Variants in PIP5KL1 observed in about 807,000 individuals in gnomAD.
The protein encoded by PIP5KL1 is phosphatidylinositol-4-phosphate 5-kinase like 1, also known as phosphatidylinositol 4-phosphate 5-kinase-like protein 1.
A neutral mutation model predicts 47.6 loss-of-function variants in PIP5KL1; 45 were observed. That is an observed-to-expected ratio of 0.94 (90% CI 0.74 to 1.21). The LOEUF (loss-of-function observed/expected upper bound fraction) is 1.21, where lower values mean the gene tolerates loss of function less well. PIP5KL1 is among the 50% of genes most tolerant of loss of function. PIP5KL1 has a pLI of 0.00. For missense variants in PIP5KL1, 577 were observed against 547.6 expected, an observed-to-expected ratio of 1.05 and a Z score of -0.54; for synonymous variants, 256 against 234.6, an observed-to-expected ratio of 1.09 and a Z score of -0.84.
intron 1 of PIP5KL1, 101 bp downstream of exon 1, chr9:127,930,622 C>T: frequency 2.2e-6 from 3 of 1,366,244 alleles, no homozygotes; most frequent in Non-Finnish European, 2.9e-6. Flanking sequence ...GGGCCCCTCC[C>T]AGGCTTGGAT....
At chr9:127,930,154 T>C (rs1245619305) in intron 1 of PIP5KL1, among the ~76,000 whole-genome samples, 3 of 152,194 alleles carry the variant, frequency 2.0e-5, no homozygotes, top group African/African-American at 7.2e-5. Flanking sequence ...GGACCGTCTC[T>C]CACCAACCTT....
At chr9:127,930,372 G>A (rs1831419026) in intron 1 of PIP5KL1, among the ~76,000 whole-genome samples, 1 of 152,204 alleles carries the variant, frequency 6.6e-6, no homozygotes, top group Non-Finnish European at 1.5e-5. Context: ...CTCCAGGCCA[G>A]CACGGAGGGG....
rs1009473859 is a variant in PIP5KL1, at chr9:127,921,635, G to T, written c.*212C>A. On this transcript the variant is annotated 3_prime_UTR_variant, in exon 10 of 10. Coordinates refer to ENST00000388747, the MANE Select transcript of PIP5KL1 (RefSeq NM_001135219.2). ...AAAAGAGAATAATAGCATTTTTTGA[G>T]GATTAAATGAGCTAAAGTAGGGGAG... 27 of 641,252 alleles carry T rather than the reference G, an allele frequency of 4.2e-5. No individual in the cohort carries two copies. In the African/African-American group the frequency reaches 4.9e-4, roughly 12 times the overall value. The allele number at this position is 641,252 out of a possible 1,614,324, so 39.7% of individuals were successfully genotyped here.
At position 127,927,349 on chromosome 9, in the gene PIP5KL1, G is replaced by A. The variant is rs1294319590; in HGVS notation, c.560-18C>T. The A allele has an allele frequency of 1.2e-6, 2 of 1,601,042 alleles. No individual in the cohort carries two copies. The highest frequency in any genetic ancestry group is 1.1e-5 in the South Asian group (1 of 89,498). ...GTGCACTCCTGGAAGGGGAGAGGGCGCCGGATGAGGATCCCCAAACTCCAC... is the reference window on the plus strand; with the variant it reads ...GTGCACTCCTGGAAGGGGAGAGGGCACCGGATGAGGATCCCCAAACTCCAC... On this transcript the variant is annotated intron_variant, in intron 5 of 9. Transcript: ENST00000388747. This position sits in a 1 kb window ranked among gnomAD's most constrained non-coding sequence, Gnocchi z 5.5.
intron 9 of PIP5KL1, among the ~76,000 whole-genome samples, chr9:127,922,685 ACT>A (rs1831301172): frequency 9.8e-6 from 1 of 102,122 alleles, no homozygotes. Context: ...ACAGAGCGAG[ACT>A]CTGTCTCAAA....
chr9:127,929,965 A>G lies in PIP5KL1; in HGVS notation c.31-80T>C. On this transcript the variant is annotated intron_variant, in intron 1 of 9. Coordinates refer to ENST00000388747, the MANE Select transcript of PIP5KL1 (RefSeq NM_001135219.2). This position sits in a 1 kb window ranked among gnomAD's most constrained non-coding sequence, Gnocchi z 4.0. ...TCAGGGTTCAAGTCCCACTTCCACT[A>G]CTTGTGAGACTTCCCCTCATCTCTC... The G allele has an allele frequency of 1.7e-6, 2 of 1,196,234 alleles. No individual in the cohort carries two copies. The highest frequency in any genetic ancestry group is 2.3e-6 in the Non-Finnish European group (2 of 881,552). The allele number at this position is 1,196,234 out of a possible 1,614,324, so 74.1% of individuals were successfully genotyped here.
In PIP5KL1 at chr9:127,921,730, A is replaced by G; in HGVS notation, c.*117T>C. The G allele has an allele frequency of 7.3e-7, 1 of 1,364,792 alleles. No homozygotes were observed. The highest frequency in any genetic ancestry group is 1.5e-5 in the African/African-American group (1 of 68,668). The allele number at this position is 1,364,792 out of a possible 1,614,324, so 84.5% of individuals were successfully genotyped here. A position where few individuals can be genotyped will look rare whatever the true frequency, so the allele number is the denominator to read the frequency against. The stretch of plus-strand genomic sequence containing the variant: ...GCGCGGTTACGGTATTAGTTAGGGG[A>G]TGCTGCCCTCTGGCGACCATCAGGA... On this transcript the variant is annotated 3_prime_UTR_variant, in exon 10 of 10. Transcript: ENST00000388747.
rs369774242 is a variant in PIP5KL1, at chr9:127,928,171, G to T, written c.328C>A (p.Arg110Ser). Reference sequence around the variant, plus strand: ...TCCTCCTCCGCCAGGCCCAGGGAGCGGCGCAGCCAGGCAAAGGCGGGGCCG... The same window carrying T: ...TCCTCCTCCGCCAGGCCCAGGGAGCTGCGCAGCCAGGCAAAGGCGGGGCCG... The part of the protein sequence containing the change: ...LAGPAFAWLR[R>S]SLGLAEEDYQ... Residue 110 changes from arginine (R) to serine (S), a missense_variant, in exon 4 of 10, where the codon CGC becomes AGC. By Grantham distance (110) the Arg-to-Ser change is moderately radical (BLOSUM62 -1). Transcript: ENST00000388747. The T allele has an allele frequency of 2.0e-6, 3 of 1,537,826 alleles. No individual in the cohort carries two copies.
chr9:127,925,180 G>T lies in PIP5KL1; in HGVS notation c.844C>A (p.Leu282Ile). 6.2e-7 allele frequency: 1 copy of T among 1,614,160 alleles called. No individual in the cohort carries two copies. Among genetic ancestry groups the T allele is most frequent in the Middle Eastern group, 1.6e-4 (1 of 6,062 alleles). ...TGGAGACGTTGGAAGGCTATCAGGA[G>T]GCTGTAATCCAGCACGTTGAGCTCC... ...LRELNVLDYS[L>I]LIAFQRLHED... The change falls in exon 9 of 10, where the codon CTC becomes ATC. Residue 282 changes from leucine (L) to isoleucine (I), a missense_variant. By Grantham distance (5) the Leu-to-Ile change is conservative (BLOSUM62 2). Transcript: ENST00000388747.
chr9:127,922,121 GC>G lies in PIP5KL1; in HGVS notation c.918-8del. On this transcript the variant is annotated splice_polypyrimidine_tract_variant and splice_region_variant and intron_variant, in intron 9 of 9. Transcript: ENST00000388747. ...CTGTGCCCCTTGCACAGACCTGGGG[GC>G]CGACAGGAGGGTGAAGCTGCCAGCT... is the stretch of plus-strand genomic sequence containing the variant. 1 of 1,484,610 alleles carries G rather than the reference GC, an allele frequency of 6.7e-7. No individual in the cohort carries two copies. The highest frequency in any genetic ancestry group is 1.3e-5 in the South Asian group (1 of 77,254). The allele number at this position is 1,484,610 out of a possible 1,614,324, so 92.0% of individuals were successfully genotyped here.
rs751074973 is a variant in PIP5KL1 at position 127,925,845 on chromosome 9, AGTGGCCACCCCC to A, written c.763+10_763+21del. On this transcript the variant is annotated intron_variant, in intron 8 of 9. Coordinates refer to ENST00000388747, the MANE Select transcript of PIP5KL1 (RefSeq NM_001135219.2). ...CACCCTGAATGAAGGAGGAACAGGC[AGTGGCCACCCCC>A]GTGGCTCACCCAGGTTGATGGTCTT... 6.3e-7 allele frequency: 1 copy of A among 1,577,950 alleles called. No homozygotes were observed. The highest frequency in any genetic ancestry group is 1.3e-5 in the African/African-American group (1 of 74,244).
At chr9:127,926,581 T>C (rs916348125) in intron 7 of PIP5KL1, among the ~76,000 whole-genome samples, 6 of 152,204 alleles carry the variant, frequency 3.9e-5, no homozygotes, top group African/African-American at 1.4e-4. Context: ...CGGCCTATTA[T>C]TGTTTCTGAG....
intron 2 of PIP5KL1, 42 bp from the exon 3 acceptor site, chr9:127,928,525 C>T (rs1419599404): frequency 6.6e-7 from 1 of 1,511,184 alleles, no homozygotes; most frequent in African/African-American, 1.4e-5. Flanking sequence ...CCCTCAGTCC[C>T]CTGCTGCCTG....
At position 127,927,032 on chromosome 9, in the gene PIP5KL1, AT is replaced by A; in HGVS notation, c.650+120del. ...GGCGTCACTGTCTCTGACCCACCAG[AT>A]CTTGGGAACGCCCCTTCTCCTTCCT... On this transcript the variant is annotated intron_variant, in intron 7 of 9. Transcript: ENST00000388747. This position sits in a 1 kb window ranked among gnomAD's most constrained non-coding sequence, Gnocchi z 5.5. The A allele has an allele frequency of 8.3e-7, 1 of 1,200,950 alleles. No homozygotes were observed. The highest frequency in any genetic ancestry group is 1.2e-6 in the Non-Finnish European group (1 of 868,094). The allele number at this position is 1,200,950 out of a possible 1,614,324, so 74.4% of individuals were successfully genotyped here.
At chr9:127,930,400 A>T (rs1263360239) in intron 1 of PIP5KL1, among the ~76,000 whole-genome samples, 1 of 152,194 alleles carries the variant, frequency 6.6e-6, no homozygotes, top group Non-Finnish European at 1.5e-5. Context: ...GATGCTTTTC[A>T]TAGCCGCTGA....
In PIP5KL1 at chr9:127,925,867, C is replaced by T. The variant is rs775119032; in HGVS notation, c.763G>A (p.Gly255Arg). The change falls in exon 8 of 10, where the codon GGG (glycine) becomes AGG (arginine). Residue 255 changes from glycine (G) to arginine (R), a missense_variant and splice_region_variant. Physicochemically the swap from Gly to Arg is moderately radical, Grantham distance 125 (BLOSUM62 -2). Transcript: ENST00000388747. The stretch of plus-strand genomic sequence containing the variant: ...GGCAGTGGCCACCCCCGTGGCTCAC[C>T]CAGGTTGATGGTCTTGCCCTGAAAG... ...LNFQGKTINL[G>R]PQRSWFLRQM... 1 of 1,613,602 alleles carries T rather than the reference C, an allele frequency of 6.2e-7. No homozygotes were observed. Among genetic ancestry groups the T allele is most frequent in the South Asian group, 1.1e-5 (1 of 91,078 alleles).
intron 8 of PIP5KL1, chr9:127,925,512 C>A (rs1342922556): frequency 1.2e-5 from 6 of 504,290 alleles, no homozygotes; most frequent in Non-Finnish European, 2.1e-5. Flanking sequence ...GTCGCACAGG[C>A]TGGAGTGCAG....
chr9:127,923,651 C>G (rs1283381854), intron 9 of PIP5KL1, among the ~76,000 whole-genome samples: 1 of 152,252 alleles, frequency 6.6e-6, no homozygotes, highest in Non-Finnish European at 1.5e-5. Flanking sequence ...CTACCCAAGT[C>G]TCACCCATAC....
At position 127,928,128 on chromosome 9, in the gene PIP5KL1, C is replaced by G; in HGVS notation, c.371G>C (p.Gly124Ala). 6.4e-7 allele frequency: 1 copy of G among 1,556,644 alleles called. No individual in the cohort carries two copies. Among genetic ancestry groups the G allele is most frequent in the Non-Finnish European group, 8.7e-7 (1 of 1,152,454 alleles). Residue 124 changes from glycine (G) to alanine (A), a missense_variant, in exon 4 of 10, where the codon GGC becomes GCC. Physicochemically the swap from Gly to Ala is moderately conservative, Grantham distance 60. Coordinates refer to ENST00000388747, the MANE Select transcript of PIP5KL1 (RefSeq NM_001135219.2). ...GAACTGCAGGTAGGGGCCGCCGGGG[C>G]CCAGGGCAGCCTGATAGTCCTCCTC... Reference protein sequence around the residue: ...LAEEDYQAALGPGGPYLQFLS... With the variant: ...LAEEDYQAALAPGGPYLQFLS...
Sources: allele counts gnomAD v4.1 joint callset (sites outside exome capture counted in the v4.1 genomes callset), GRCh38; gene constraint gnomAD v4.1.1; non-coding constraint Gnocchi (gnomAD v3.1); transcripts MANE v1.5; gene names NCBI Gene and HGNC (gene_info 2026-07-23, HGNC 2026-07-21).